Variants in SEC14L1 observed in about 807,000 individuals in gnomAD.
SEC14L1 encodes SEC14 like lipid binding 1.
SEC14L1 carries 48 observed loss-of-function variants against 85.3 expected under a neutral mutation model. The ratio of observed to expected loss-of-function variants is 0.56; its 90% CI spans 0.45 to 0.72. The LOEUF is 0.72. Ranked by LOEUF, SEC14L1 falls within the 30% of genes least tolerant of loss-of-function variation. The probability of loss-of-function intolerance (pLI) is 0.00; values close to 1 mark genes in which losing one functional copy is unlikely to be tolerated. For missense variants in SEC14L1, 682 were observed against 921.4 expected (o/e 0.74, Z 3.36); for synonymous variants, 391 against 355.5 (o/e 1.10, Z -1.12).
intron 3 of SEC14L1, among the ~76,000 whole-genome samples, chr17:77,108,522 A>C (rs898741081): frequency 2.6e-5 from 4 of 152,094 alleles, no homozygotes; most frequent in Admixed American, 2.6e-4. Flanking sequence ...AGATGGCTTG[A>C]GGTCAGGAGT....
chr17:77,212,585 T>G, intron 15 of SEC14L1: 1 of 219,512 alleles, frequency 4.6e-6, no homozygotes, highest in East Asian at 1.2e-4. Context: ...AGAGAACTAT[T>G]AGCTCTCATT....
chr17:77,090,471 A>G (rs1485685138), intron 2 of SEC14L1, among the ~76,000 whole-genome samples: 1 of 150,304 alleles, frequency 6.7e-6, no homozygotes, highest in Non-Finnish European at 1.5e-5. Flanking sequence ...CCTGGGCAAC[A>G]TAGTAAGACC....
chr17:77,156,676 G>GT (rs202204152), intron 3 of SEC14L1, among the ~76,000 whole-genome samples: 79 of 145,498 alleles, frequency 5.4e-4, no homozygotes, highest in African/African-American at 1.0e-3. Flanking sequence ...TTTGTTTTTT[G>GT]TTTTTTTTTT....
At chr17:77,117,806 A>C (rs1233276032) in intron 3 of SEC14L1, among the ~76,000 whole-genome samples, 1 of 152,034 alleles carries the variant, frequency 6.6e-6, no homozygotes, top group Admixed American at 6.6e-5. Flanking sequence ...CGTTCCCACC[A>C]CTTTAAGGGA....
At chr17:77,142,195 A>T (rs534189560) in intron 1 of SEC14L1, among the ~76,000 whole-genome samples, 190 of 152,280 alleles carry the variant, frequency 1.2e-3, no homozygotes, top group Non-Finnish European at 2.1e-3. Flanking sequence ...TCAGATGGCG[A>T]TGTTTTCCAC....
chr17:77,095,845 A>G (rs1409469852), intron 3 of SEC14L1, among the ~76,000 whole-genome samples: 1 of 151,864 alleles, frequency 6.6e-6, no homozygotes, highest in Non-Finnish European at 1.5e-5. Flanking sequence ...AATTACTGAA[A>G]TAAATAAACA....
At chr17:77,125,424 G>A (rs1353558137) in intron 3 of SEC14L1, among the ~76,000 whole-genome samples, 1 of 149,050 alleles carries the variant, frequency 6.7e-6, no homozygotes, top group African/African-American at 2.5e-5. Context: ...AGATTCTGAA[G>A]TTGCAGGTTT....
rs1976471636 is a variant in SEC14L1 at position 77,206,525 on chromosome 17, A to T, written c.1341+125A>T. ...GGAAAAAAAACAATAACATGCAAAGATATAAAATTTCTCAAATTGTTTAAG... is the reference window on the plus strand; with the variant it reads ...GGAAAAAAAACAATAACATGCAAAGTTATAAAATTTCTCAAATTGTTTAAG... On this transcript the variant is annotated intron_variant, in intron 12 of 16. Transcript: ENST00000436233. The surrounding 1 kb of genome is among the most constrained non-coding windows in gnomAD (Gnocchi z 4.3). 1 of 1,307,146 alleles carries T rather than the reference A, an allele frequency of 7.7e-7. No homozygotes were observed. Among genetic ancestry groups the T allele is most frequent in the South Asian group, 1.5e-5 (1 of 66,756 alleles). The allele number at this position is 1,307,146 out of a possible 1,614,324, so 81.0% of individuals were successfully genotyped here.
chr17:77,098,231 G>T (rs1448160139), intron 3 of SEC14L1, among the ~76,000 whole-genome samples: 1 of 152,172 alleles, frequency 6.6e-6, no homozygotes, highest in African/African-American at 2.4e-5. Context: ...CGGTGCAGTG[G>T]CTCATGTCTG....
intron 3 of SEC14L1, among the ~76,000 whole-genome samples, chr17:77,110,225 C>T (rs897035104): frequency 6.6e-6 from 1 of 152,096 alleles, no homozygotes; most frequent in South Asian, 2.1e-4. Context: ...GACTGAGCTC[C>T]GGAAAGGAAA....
intron 3 of SEC14L1, among the ~76,000 whole-genome samples, chr17:77,173,970 C>A (rs554617987): frequency 2.6e-5 from 4 of 151,814 alleles, no homozygotes; most frequent in Non-Finnish European, 5.9e-5. Context: ...GCACGATCTC[C>A]GCTCACTGCA....
chr17:77,185,236 A>C, intron 3 of SEC14L1: 1 of 985,486 alleles, frequency 1.0e-6, no homozygotes, highest in Non-Finnish European at 1.2e-6. Flanking sequence ...GCAGAGTGAC[A>C]GGCTTGGAAG....
chr17:77,118,494 G>A (rs1024070495), intron 3 of SEC14L1, among the ~76,000 whole-genome samples: 1 of 152,202 alleles, frequency 6.6e-6, no homozygotes, highest in Non-Finnish European at 1.5e-5. Context: ...AGTCTCCACC[G>A]AGTGGAGGAC....
At chr17:77,141,948 G>A (rs1598287346) in intron 1 of SEC14L1, among the ~76,000 whole-genome samples, 1 of 152,194 alleles carries the variant, frequency 6.6e-6, no homozygotes, top group East Asian at 1.9e-4. Context: ...GAAAAAGAAC[G>A]TGGTCCCAGC....
At chr17:77,205,072 G>A in intron 10 of SEC14L1, 1 of 551,278 alleles carries the variant, frequency 1.8e-6, no homozygotes, top group Non-Finnish European at 3.3e-6. Flanking sequence ...ACATGACAGT[G>A]TTTATTCTCT....
At chr17:77,097,163 G>A (rs1304703216) in intron 3 of SEC14L1, among the ~76,000 whole-genome samples, 2 of 152,232 alleles carry the variant, frequency 1.3e-5, no homozygotes, top group Non-Finnish European at 2.9e-5. Context: ...CCCAGACAGT[G>A]TGCATTAAGG....
At chr17:77,159,870 C>T (rs1973986254) in intron 3 of SEC14L1, among the ~76,000 whole-genome samples, 2 of 151,982 alleles carry the variant, frequency 1.3e-5, no homozygotes, top group South Asian at 4.2e-4. Context: ...TGAGTGGTGA[C>T]CCACTTAAAT....
chr17:77,159,093 CTT>C (rs746676501), intron 3 of SEC14L1, among the ~76,000 whole-genome samples: 10,209 of 150,670 alleles, frequency 0.068, 448 homozygotes, highest in East Asian at 0.27. Context: ...CTGAAATAAA[CTT>C]TCACTCTGTC....
At chr17:77,139,012 GA>G (rs1972878240), upstream of SEC14L1, among the ~76,000 whole-genome samples, 1 of 151,878 alleles carries the variant, frequency 6.6e-6, no homozygotes, top group Non-Finnish European at 1.5e-5. Flanking sequence ...TTTTCCTTTG[GA>G]ATTTGATAAA....
Sources: gnomAD v4.1 joint callset for allele counts (sites outside exome capture counted in the v4.1 genomes callset) on GRCh38, gnomAD v4.1.1 for gene constraint, Gnocchi (gnomAD v3.1) non-coding constraint, MANE v1.5 for transcripts, NCBI Gene and HGNC (gene_info 2026-07-23, HGNC 2026-07-21) for gene names.